RALGAPA2: variants seen among roughly 807,000 people sequenced by gnomAD.
The protein encoded by RALGAPA2 is Ral GTPase activating protein catalytic subunit alpha 2.
RALGAPA2 carries 139 observed loss-of-function variants against 230.4 expected under a neutral mutation model. That is an observed-to-expected ratio of 0.60 (90% CI 0.53 to 0.69). The LOEUF (loss-of-function observed/expected upper bound fraction) is 0.69. Among genes scored for constraint, RALGAPA2 ranks in the 30% least tolerant of loss-of-function variants. The pLI is 0.00. For missense variants in RALGAPA2, 2,163 were observed against 2,276.0 expected, an observed-to-expected ratio of 0.95 and a Z score of 1.01; for synonymous variants, 847 against 837.8, an observed-to-expected ratio of 1.01 and a Z score of -0.19.
chr20:20,606,399 G>A (rs2065822591), intron 14 of RALGAPA2, among the ~76,000 whole-genome samples: 4 of 152,154 alleles, frequency 2.6e-5, no homozygotes, highest in Admixed American at 2.6e-4. Flanking sequence ...CTAGGTACTA[G>A]ACAGTGCTAC....
At chr20:20,401,908 T>C (rs1053870960) in intron 38 of RALGAPA2, among the ~76,000 whole-genome samples, 1 of 152,248 alleles carries the variant, frequency 6.6e-6, no homozygotes, top group Non-Finnish European at 1.5e-5. Flanking sequence ...CAAAGTGGCA[T>C]GGTCTTTGCC....
intron 2 of RALGAPA2, among the ~76,000 whole-genome samples, chr20:20,677,265 G>C (rs1010501820): frequency 3.3e-5 from 5 of 152,138 alleles, no homozygotes; most frequent in Non-Finnish European, 5.9e-5. Context: ...ATTTTGACTG[G>C]GGAAGTCAGA....
intron 16 of RALGAPA2, among the ~76,000 whole-genome samples, chr20:20,598,027 G>A (rs1310309956): frequency 4.6e-5 from 7 of 152,164 alleles, no homozygotes; most frequent in Non-Finnish European, 1.5e-5. Context: ...TTCTGTTGAA[G>A]TAAGTAGGCC....
In RALGAPA2 at chr20:20,583,166, C is replaced by G. The variant is rs766481209; in HGVS notation, c.2591G>C (p.Gly864Ala). ...GCTNEAELSM[G>A]PWQTCEEDPE... ...GTCTTCCTCACAGGTCTGCCATGGG[C>G]CCATGGACAGCTCTGCCTCATTGGT... Residue 864 changes from glycine (G) to alanine (A), a missense_variant, in exon 20 of 40, where the codon GGC becomes GCC. Gly to Ala is a moderately conservative substitution (Grantham distance 60). Coordinates refer to ENST00000202677, the MANE Select transcript of RALGAPA2 (RefSeq NM_020343.4). 6.2e-7 allele frequency: 1 copy of G among 1,613,528 alleles called. No individual in the cohort carries two copies. The highest frequency in any genetic ancestry group is 1.7e-5 in the Admixed American group (1 of 59,940).
At chr20:20,393,324 G>T (rs6137017) in intron 39 of RALGAPA2, 71 bp from the exon 40 acceptor site, 34,847 of 1,132,642 alleles carry the variant, frequency 0.031, 1,198 homozygotes, top group East Asian at 0.19. Flanking sequence ...TTTCAGGGAG[G>T]ATCTGTGGCA....
rs1193187259 is a variant in RALGAPA2, at chr20:20,531,810, G to A, written c.3474-15C>T. 1.3e-6 allele frequency: 2 copies of A among 1,518,506 alleles called. No homozygotes were observed. Among genetic ancestry groups the A allele is most frequent in the East Asian group, 2.3e-5 (1 of 42,994 alleles). The allele number at this position is 1,518,506 out of a possible 1,614,324, so 94.1% of individuals were successfully genotyped here. A position where few individuals can be genotyped will look rare whatever the true frequency, so the allele number is the denominator to read the frequency against. On this transcript the variant is annotated splice_polypyrimidine_tract_variant and intron_variant, in intron 26 of 39. Transcript: ENST00000202677. ...CAGCAATGCATCTTTTTAAAAAGAAGAAAACAGAGGAAAACTCTCATGAAA... is the reference window on the plus strand; with the variant it reads ...CAGCAATGCATCTTTTTAAAAAGAAAAAAACAGAGGAAAACTCTCATGAAA...
intron 37 of RALGAPA2, among the ~76,000 whole-genome samples, chr20:20,452,507 G>A (rs1362460741): frequency 1.3e-5 from 2 of 152,236 alleles, no homozygotes; most frequent in African/African-American, 2.4e-5. Context: ...CCCAGCGGAA[G>A]GGCTGTCTCC....
chr20:20,639,638 A>G, intron 7 of RALGAPA2, 147 bp downstream of exon 7: 1 of 610,908 alleles, frequency 1.6e-6, no homozygotes, highest in South Asian at 2.0e-5. Context: ...AATGGTACAC[A>G]CTCTGCATTT....
chr20:20,486,143 A>C (rs978294054), intron 36 of RALGAPA2, among the ~76,000 whole-genome samples: 4 of 152,164 alleles, frequency 2.6e-5, no homozygotes, highest in African/African-American at 7.2e-5. Flanking sequence ...CTGTTTCAAA[A>C]AAAGAATAAA....
rs2059593102 is a variant in RALGAPA2, at chr20:20,390,965, G to A, written c.*2324C>T. ...CTACAATTGAATTTCCCACCCCAAG[G>A]TAGGGATCGCTGGTTCGTGAAAGCA... On this transcript the variant is annotated 3_prime_UTR_variant, in exon 40 of 40. Coordinates refer to ENST00000202677, the MANE Select transcript of RALGAPA2 (RefSeq NM_020343.4). The A allele has an allele frequency of 6.6e-6, 1 of 152,242 alleles. No individual in the cohort carries two copies. The highest frequency in any genetic ancestry group is 2.4e-5 in the African/African-American group (1 of 41,448). 9.4% of individuals were successfully genotyped at this position (152,242 alleles called of 1,614,324 possible). A position where few individuals can be genotyped will look rare whatever the true frequency, so the allele number is the denominator to read the frequency against.
chr20:20,615,600 T>C (rs910868319), intron 13 of RALGAPA2, among the ~76,000 whole-genome samples: 20 of 152,264 alleles, frequency 1.3e-4, no homozygotes, highest in South Asian at 8.3e-4. Flanking sequence ...GATTGTTGAC[T>C]GCACTATGTA....
chr20:20,687,814 G>T (rs966068957), intron 1 of RALGAPA2, among the ~76,000 whole-genome samples: 1 of 152,110 alleles, frequency 6.6e-6, no homozygotes, highest in African/African-American at 2.4e-5. Context: ...ATACCCCCAA[G>T]TATAACACAT....
intron 39 of RALGAPA2, among the ~76,000 whole-genome samples, chr20:20,393,701 T>C (rs2059645594): frequency 6.6e-6 from 1 of 152,200 alleles, no homozygotes; most frequent in African/African-American, 2.4e-5. Context: ...CACAATGAGT[T>C]ACAACTCGAT....
At chr20:20,507,026 T>C (rs2062555979) in intron 33 of RALGAPA2, among the ~76,000 whole-genome samples, 1 of 152,262 alleles carries the variant, frequency 6.6e-6, no homozygotes, top group African/African-American at 2.4e-5. Context: ...TACACCATTT[T>C]AGGATACACT....
In RALGAPA2 at chr20:20,483,913, T is replaced by C. The variant is rs79262143; in HGVS notation, c.5368-10957A>G. ...AGAGAGAGCTATACGGACCTTGAGC[T>C]GATCTTGTACTCTAGTGATGCTGGT... On this transcript the variant is annotated intron_variant, in intron 36 of 39. Transcript: ENST00000202677. Among the ~76,000 whole-genome samples the C allele has an allele frequency of 3.6e-3, 546 of 152,346 alleles. 3 individuals carry two copies. The highest frequency in any genetic ancestry group is 0.013 in the African/African-American group (523 of 41,594).
intron 4 of RALGAPA2, among the ~76,000 whole-genome samples, chr20:20,644,531 A>G (rs1011040657): frequency 6.6e-6 from 1 of 152,226 alleles, no homozygotes; most frequent in African/African-American, 2.4e-5. Context: ...ATCACTGGCA[A>G]TCCGAAGGAA....
In RALGAPA2 at chr20:20,453,719, T is replaced by C. The variant is rs6137034; in HGVS notation, c.5495+19110A>G. On this transcript the variant is annotated intron_variant, in intron 37 of 39. Coordinates refer to ENST00000202677, the MANE Select transcript of RALGAPA2 (RefSeq NM_020343.4). ...CTGCTCTCTTCCCTAATGTGCTCTGTATTCAACAAAGAGCCCCTCCAGGGT... is the reference window on the plus strand; with the variant it reads ...CTGCTCTCTTCCCTAATGTGCTCTGCATTCAACAAAGAGCCCCTCCAGGGT... Among the ~76,000 whole-genome samples the C allele has an allele frequency of 2.9e-3, 436 of 152,326 alleles. 4 individuals are homozygous for C. Among genetic ancestry groups the C allele is most frequent in the East Asian group, 0.011 (59 of 5,174 alleles).
At chr20:20,676,544 A>G (rs2068330125) in intron 2 of RALGAPA2, among the ~76,000 whole-genome samples, 1 of 152,208 alleles carries the variant, frequency 6.6e-6, no homozygotes, top group Non-Finnish European at 1.5e-5. Flanking sequence ...CTTGTTACCA[A>G]ACTATGATGG....
At chr20:20,707,796 T>C (rs1183577923) in intron 1 of RALGAPA2, among the ~76,000 whole-genome samples, 1 of 151,988 alleles carries the variant, frequency 6.6e-6, no homozygotes, top group Non-Finnish European at 1.5e-5. Context: ...CCCAGGAACC[T>C]ACCCTACCCC....
Sources: allele counts gnomAD v4.1 joint callset (sites outside exome capture counted in the v4.1 genomes callset), GRCh38; gene constraint gnomAD v4.1.1; transcripts MANE v1.5; gene names NCBI Gene and HGNC (gene_info 2026-07-23, HGNC 2026-07-21).